Variants in TNKS2 observed in about 807,000 individuals in gnomAD.
TNKS2 encodes tankyrase 2, also known as poly [ADP-ribose] polymerase tankyrase-2.
Under a neutral mutation model 137.6 loss-of-function variants are expected in TNKS2, and 72 were observed. The ratio of observed to expected loss-of-function variants is 0.52; its 90% CI spans 0.43 to 0.64. The LOEUF is 0.64. TNKS2 is among the 30% of genes least tolerant of loss of function. The pLI, the probability that TNKS2 is intolerant of heterozygous loss-of-function variation, is 0.00. For synonymous variants in TNKS2, 516 were observed against 512.1 expected (o/e 1.01, Z -0.10); for missense variants, 1,049 against 1,410.2 (o/e 0.74, Z 4.10).
intron 21 of TNKS2, 36 bp downstream of exon 21, chr10:91,851,372 C>A (rs1405859008): frequency 6.2e-7 from 1 of 1,602,232 alleles, no homozygotes; most frequent in Non-Finnish European, 8.5e-7. Flanking sequence ...GTCAGTTTAA[C>A]AGTTTGCATA....
intron 2 of TNKS2, among the ~76,000 whole-genome samples, chr10:91,814,308 A>G (rs1844602849): frequency 6.6e-6 from 1 of 152,258 alleles, no homozygotes; most frequent in Non-Finnish European, 1.5e-5. Context: ...ATAAAGACAT[A>G]AAATATTTTT....
At chr10:91,823,468 C>T (rs1489407063) in intron 7 of TNKS2, among the ~76,000 whole-genome samples, 3 of 151,822 alleles carry the variant, frequency 2.0e-5, no homozygotes, top group Non-Finnish European at 4.4e-5. Flanking sequence ...CCTGGGATTA[C>T]AGGTATGTGC....
chr10:91,835,977 A>G (rs1012414493), intron 12 of TNKS2, among the ~76,000 whole-genome samples: 1 of 146,826 alleles, frequency 6.8e-6, no homozygotes, highest in East Asian at 2.0e-4. Context: ...AAGTGTTTCA[A>G]AGTACTCCTT....
At chr10:91,816,047 C>T (rs1225832541) in intron 2 of TNKS2, among the ~76,000 whole-genome samples, 1 of 146,810 alleles carries the variant, frequency 6.8e-6, no homozygotes. Flanking sequence ...CTCCCGGGTT[C>T]ACGCCATTCT....
intron 12 of TNKS2, among the ~76,000 whole-genome samples, chr10:91,834,712 A>G (rs1841941695): frequency 6.6e-6 from 1 of 152,206 alleles, no homozygotes. Flanking sequence ...GCAGATTGAT[A>G]CAACCTCCTG....
intron 1 of TNKS2, chr10:91,807,492 A>G (rs1844363310): frequency 1.3e-6 from 2 of 1,526,540 alleles, no homozygotes; most frequent in South Asian, 1.1e-5. Flanking sequence ...ACCCGGCCCA[A>G]CAAACTACCT....
chr10:91,862,515 A>T lies in TNKS2; in HGVS notation c.3438+360A>T, dbSNP rs183649149. Reference sequence around the variant, plus strand: ...CCTAAAAACAAGAAGATTTTATTCAAATTTCGCCAGTCGTTCCGGATTTTT... The same window carrying T: ...CCTAAAAACAAGAAGATTTTATTCATATTTCGCCAGTCGTTCCGGATTTTT... On this transcript the variant is annotated intron_variant, in intron 26 of 26. Coordinates refer to ENST00000371627, the MANE Select transcript of TNKS2 (RefSeq NM_025235.4). 2.2e-3 allele frequency among the ~76,000 whole-genome samples: 334 copies of T among 152,246 alleles called. 1 individual carries two copies. Among genetic ancestry groups the T allele is most frequent in the African/African-American group, 7.0e-3 (292 of 41,560 alleles).
At chr10:91,834,293 A>G (rs925742840) in intron 12 of TNKS2, among the ~76,000 whole-genome samples, 4 of 152,186 alleles carry the variant, frequency 2.6e-5, no homozygotes, top group African/African-American at 9.6e-5. Context: ...AAGTTTTGAG[A>G]GTAAGATAAA....
Position 91,857,415 on chromosome 10 carries a change from T to C in TNKS2, c.2989-10T>C. 6.3e-7 allele frequency: 1 copy of C among 1,579,594 alleles called. No individual in the cohort carries two copies. Among genetic ancestry groups the C allele is most frequent in the South Asian group, 1.2e-5 (1 of 86,794 alleles). ...CTAAAGATTTGATTTTTCTGGTTTATTTTTTATAGATTCAGAAGGTTTGTA... is the reference window on the plus strand; with the variant it reads ...CTAAAGATTTGATTTTTCTGGTTTACTTTTTATAGATTCAGAAGGTTTGTA... On this transcript the variant is annotated splice_polypyrimidine_tract_variant and intron_variant, in intron 23 of 26. Coordinates refer to ENST00000371627, the MANE Select transcript of TNKS2 (RefSeq NM_025235.4).
chr10:91,851,957 G>A (rs1011200840), intron 21 of TNKS2, among the ~76,000 whole-genome samples: 9 of 152,316 alleles, frequency 5.9e-5, no homozygotes, highest in South Asian at 2.1e-4. Flanking sequence ...GGCCAAACGC[G>A]GTGGCTCACG....
intron 19 of TNKS2, among the ~76,000 whole-genome samples, chr10:91,849,063 C>T (rs1384789544): frequency 6.6e-6 from 1 of 152,204 alleles, no homozygotes; most frequent in Non-Finnish European, 1.5e-5. Flanking sequence ...TCTTGAACTC[C>T]TGACCTCAGG....
At chr10:91,813,254 T>C (rs1172995908) in intron 2 of TNKS2, 47 bp downstream of exon 2, 23 of 1,488,488 alleles carry the variant, frequency 1.5e-5, no homozygotes, top group Non-Finnish European at 1.8e-5. Flanking sequence ...GTAACTATTC[T>C]GAATCTGAAC....
intron 16 of TNKS2, among the ~76,000 whole-genome samples, chr10:91,844,015 A>C (rs1564623791): frequency 1.3e-5 from 2 of 152,240 alleles, no homozygotes; most frequent in South Asian, 4.1e-4. Context: ...ACTGGCTATC[A>C]GGAGTTTCTA....
At position 91,817,205 on chromosome 10, in the gene TNKS2, C is replaced by A. The variant is rs1844732917; in HGVS notation, c.496C>A (p.Pro166Thr). Residue 166 changes from proline (P) to threonine (T), a missense_variant, in exon 3 of 27, where the codon CCA becomes ACA. By Grantham distance (38) the Pro-to-Thr change is conservative. Coordinates refer to ENST00000371627, the MANE Select transcript of TNKS2 (RefSeq NM_025235.4). ...DGRTALDLADPSAKAVLTGEY... is the reference protein window; with the variant it reads ...DGRTALDLADTSAKAVLTGEY... The stretch of plus-strand genomic sequence containing the variant: ...AAGGACAGCATTGGATTTAGCAGAT[C>A]CATCTGCCAAAGCAGTGCTTACTGG... 4 of 1,613,282 alleles carry A rather than the reference C, an allele frequency of 2.5e-6. No homozygotes were observed. The highest frequency in any genetic ancestry group is 2.2e-5 in the South Asian group (2 of 90,810).
chr10:91,842,532 A>G, intron 16 of TNKS2, 141 bp downstream of exon 16: 1 of 748,984 alleles, frequency 1.3e-6, no homozygotes, highest in Non-Finnish European at 2.1e-6. Context: ...CCAACACTTT[A>G]TGAGGCTAAG....
chr10:91,799,031 G>A (rs1844068472), intron 1 of TNKS2, 142 bp downstream of exon 1: 3 of 1,214,720 alleles, frequency 2.5e-6, no homozygotes, highest in South Asian at 3.8e-5. Flanking sequence ...TTCCAGTGGG[G>A]ACTAAGGAGA....
intron 20 of TNKS2, among the ~76,000 whole-genome samples, chr10:91,850,388 CAT>C (rs1554840452): frequency 7.6e-6 from 1 of 132,112 alleles, no homozygotes; most frequent in Non-Finnish European, 1.6e-5. Context: ...AAAAAAAGAA[CAT>C]ATGAAAATTC....
intron 1 of TNKS2, among the ~76,000 whole-genome samples, chr10:91,800,172 A>C (rs749988923): frequency 2.6e-5 from 4 of 152,180 alleles, no homozygotes; most frequent in Admixed American, 6.5e-5. Flanking sequence ...GTTTGTGGGC[A>C]ATGGAAAGAG....
Position 91,827,044 on chromosome 10 carries a change from T to G in TNKS2, c.823T>G (p.Leu275Val). 6.3e-7 allele frequency: 1 copy of G among 1,595,170 alleles called. No homozygotes were observed. The highest frequency in any genetic ancestry group is 8.5e-7 in the Non-Finnish European group (1 of 1,172,360). The change falls in exon 8 of 27, where the codon TTG becomes GTG. Residue 275 changes from leucine (L) to valine (V), a missense_variant. By Grantham distance (32) the Leu-to-Val change is conservative. Transcript: ENST00000371627. ...TGGTGCCTGTGTAAATGCAATGGAC[T>G]TGTGGCAATTCACTCCTCTTCATGA... ...KHGACVNAMD[L>V]WQFTPLHEAA...
Sources: allele counts gnomAD v4.1 joint callset (sites outside exome capture counted in the v4.1 genomes callset), GRCh38; gene constraint gnomAD v4.1.1; transcripts MANE v1.5; gene names NCBI Gene and HGNC (gene_info 2026-07-23, HGNC 2026-07-21).